Variants in PCOLCE observed in about 807,000 individuals in gnomAD.
PCOLCE encodes the protein procollagen C-endopeptidase enhancer, also known as procollagen C-endopeptidase enhancer 1.
In PCOLCE, 33 loss-of-function variants were observed where a neutral mutation model predicts 47.2. The ratio of observed to expected loss-of-function variants is 0.70; its 90% CI spans 0.53 to 0.93. The LOEUF (loss-of-function observed/expected upper bound fraction) is 0.93. PCOLCE is among the 40% of genes least tolerant of loss of function. The pLI is 0.00. For synonymous variants in PCOLCE, 254 were observed against 252.5 expected (o/e 1.01, Z -0.06); for missense variants, 584 against 585.3 (o/e 1.00, Z 0.02).
intron 6 of PCOLCE, among the ~76,000 whole-genome samples, chr7:100,606,900 G>A (rs1191788239): frequency 1.3e-5 from 2 of 152,104 alleles, no homozygotes; most frequent in African/African-American, 2.4e-5. Flanking sequence ...AGACCACCCC[G>A]GCTAACATGG....
chr7:100,603,774 C>T (rs868203908), intron 2 of PCOLCE, 185 bp from the exon 3 acceptor site: 1 of 661,192 alleles, frequency 1.5e-6, no homozygotes, highest in Non-Finnish European at 2.6e-6. Flanking sequence ...AAAGCCTCAG[C>T]TCTTGTCCCC....
In PCOLCE at chr7:100,605,780, G is replaced by C; in HGVS notation, c.693G>C (p.Arg231Ser). Residue 231 changes from arginine (R) to serine (S), a missense_variant, in exon 5 of 9, where the codon AGG becomes AGC. Arg to Ser is a moderately radical substitution (Grantham distance 110). Transcript: ENST00000223061. The surrounding 1 kb of genome is among the most constrained non-coding windows in gnomAD (Gnocchi z 6.1). ...GAGCCGTGAGCGACGACTCCCGGAG[G>C]CTGGGGAAGTTCTGCGGCGACGCAG... is the stretch of plus-strand genomic sequence containing the variant. The part of the protein sequence containing the change: ...FNGAVSDDSR[R>S]LGKFCGDAVP... 1 of 1,555,078 alleles carries C rather than the reference G, an allele frequency of 6.4e-7. No homozygotes were observed. The highest frequency in any genetic ancestry group is 1.2e-5 in the South Asian group (1 of 84,398).
chr7:100,605,612 G>A lies in PCOLCE; in HGVS notation c.589-64G>A. ...TGGGAGCTGCTGCAGGCACCCAGTA[G>A]GAGATGAGGTGCAGGCGCCCAGGGG... On this transcript the variant is annotated intron_variant, in intron 4 of 8. Transcript: ENST00000223061. The surrounding 1 kb of genome is among the most constrained non-coding windows in gnomAD (Gnocchi z 6.1). 1 of 1,525,830 alleles carries A rather than the reference G, an allele frequency of 6.6e-7. No individual in the cohort carries two copies. Among genetic ancestry groups the A allele is most frequent in the Non-Finnish European group, 8.8e-7 (1 of 1,131,072 alleles). 94.5% of individuals were successfully genotyped at this position (1,525,830 alleles called of 1,614,324 possible).
In PCOLCE at chr7:100,606,539, G is replaced by A; in HGVS notation, c.849G>A (p.Gly283=). 2 of 1,614,206 alleles carry A rather than the reference G, an allele frequency of 1.2e-6. No homozygotes were observed. Among genetic ancestry groups the A allele is most frequent in the Non-Finnish European group, 1.7e-6 (2 of 1,180,014 alleles). ...GGGGCACTGCCAAAGAAGGGCAAGGGCCCGGCCCCAAACGGGGAACTGAGC... is the reference window on the plus strand; with the variant it reads ...GGGGCACTGCCAAAGAAGGGCAAGGACCCGGCCCCAAACGGGGAACTGAGC... ...LPRGTAKEGQ[G]PGPKRGTEPK... Residue 283 remains glycine, a synonymous_variant, in exon 6 of 9, where the codon GGG becomes GGA. Transcript: ENST00000223061.
chr7:100,605,420 G>A lies in PCOLCE; in HGVS notation c.588+205G>A. 1 of 666,024 alleles carries A rather than the reference G, an allele frequency of 1.5e-6. No individual in the cohort carries two copies. The highest frequency in any genetic ancestry group is 2.5e-6 in the Non-Finnish European group (1 of 395,956). 41.3% of individuals were successfully genotyped at this position (666,024 alleles called of 1,614,324 possible). A position where few individuals can be genotyped will look rare whatever the true frequency, so the allele number is the denominator to read the frequency against. On this transcript the variant is annotated intron_variant, in intron 4 of 8. Transcript: ENST00000223061. The surrounding 1 kb of genome is among the most constrained non-coding windows in gnomAD (Gnocchi z 6.1). The stretch of plus-strand genomic sequence containing the variant: ...ACAAGTCTCAGGAGAGCGAGGTACA[G>A]GGTCCTGGTATAACACGCGGGCCTG...
chr7:100,602,568 C>T lies in PCOLCE; in HGVS notation c.95+17C>T, dbSNP rs1304945906. 1 of 1,487,520 alleles carries T rather than the reference C, an allele frequency of 6.7e-7. No homozygotes were observed. The highest frequency in any genetic ancestry group is 2.3e-5 in the East Asian group (1 of 44,318). The allele number at this position is 1,487,520 out of a possible 1,614,324, so 92.1% of individuals were successfully genotyped here. On this transcript the variant is annotated intron_variant, in intron 1 of 8. Coordinates refer to ENST00000223061, the MANE Select transcript of PCOLCE (RefSeq NM_002593.4). Reference sequence around the variant, plus strand: ...CTACACCAGGTAGGTCTCTTGGCATCTTCCAGACAGCTCCAGTGAACTTCA... The same window carrying T: ...CTACACCAGGTAGGTCTCTTGGCATTTTCCAGACAGCTCCAGTGAACTTCA...
In PCOLCE at chr7:100,604,948, A is replaced by G. The variant is rs1322752505; in HGVS notation, c.464-143A>G. ...GGCCGCTCTCTGTTAACCTGCCCCC[A>G]TCTTACCTCCCCTTCTTCTCGTCCC... On this transcript the variant is annotated intron_variant, in intron 3 of 8. Transcript: ENST00000223061. The surrounding 1 kb of genome is among the most constrained non-coding windows in gnomAD (Gnocchi z 6.4). The G allele has an allele frequency of 5.1e-6, 3 of 589,736 alleles. No homozygotes were observed. The highest frequency in any genetic ancestry group is 1.9e-5 in the African/African-American group (1 of 53,048). The allele number at this position is 589,736 out of a possible 1,614,324, so 36.5% of individuals were successfully genotyped here.
Position 100,605,349 on chromosome 7 carries a change from C to T in PCOLCE, c.588+134C>T. ...CGCTGGTGGGCACCCAAAACAGCCCCAACCCCTGCATGCACGCAAACAAAA... is the reference window on the plus strand; with the variant it reads ...CGCTGGTGGGCACCCAAAACAGCCCTAACCCCTGCATGCACGCAAACAAAA... On this transcript the variant is annotated intron_variant, in intron 4 of 8. Coordinates refer to ENST00000223061, the MANE Select transcript of PCOLCE (RefSeq NM_002593.4). The surrounding 1 kb of genome is among the most constrained non-coding windows in gnomAD (Gnocchi z 6.1). 1.2e-6 allele frequency: 1 copy of T among 860,650 alleles called. No homozygotes were observed. The highest frequency in any genetic ancestry group is 1.8e-6 in the Non-Finnish European group (1 of 562,682). 53.3% of individuals were successfully genotyped at this position (860,650 alleles called of 1,614,324 possible).
At position 100,608,052 on chromosome 7, in the gene PCOLCE, C is replaced by T. The variant is rs1478842922; in HGVS notation, c.1299C>T (p.Ser433=). ...PNQDQILTNL[S]KRKCPSQPVR... ...AGGACCAGATCCTCACCAACCTAAGCAAGAGGAAGTGCCCCTCTCAACCTG... is the reference window on the plus strand; with the variant it reads ...AGGACCAGATCCTCACCAACCTAAGTAAGAGGAAGTGCCCCTCTCAACCTG... The change falls in exon 9 of 9, where the codon AGC becomes AGT. Residue 433 remains serine, a synonymous_variant. Coordinates refer to ENST00000223061, the MANE Select transcript of PCOLCE (RefSeq NM_002593.4). 17 of 1,613,904 alleles carry T rather than the reference C, an allele frequency of 1.1e-5. No homozygotes were observed. The highest frequency in any genetic ancestry group is 1.4e-5 in the Non-Finnish European group (17 of 1,180,024).
chr7:100,608,107 G>A lies in PCOLCE; in HGVS notation c.*4G>A, dbSNP rs372756186. The A allele has an allele frequency of 2.2e-5, 36 of 1,612,668 alleles. No individual in the cohort carries two copies. In the African/African-American group the frequency reaches 3.6e-4, roughly 16 times the overall value. On this transcript the variant is annotated 3_prime_UTR_variant, in exon 9 of 9. Transcript: ENST00000223061. Reference sequence around the variant, plus strand: ...GGCTGCTGCGTCCCAGGACTGAGACGCAGGCCAGCCCCGGCCCCTAGCCCT... The same window carrying A: ...GGCTGCTGCGTCCCAGGACTGAGACACAGGCCAGCCCCGGCCCCTAGCCCT...
intron 6 of PCOLCE, among the ~76,000 whole-genome samples, chr7:100,607,239 T>C (rs1054724721): frequency 2.0e-5 from 3 of 152,098 alleles, no homozygotes; most frequent in Admixed American, 6.6e-5. Context: ...CAAAACTCCA[T>C]CTTAAACAAA....
rs753137213 is a variant in PCOLCE at position 100,607,685 on chromosome 7, T to G, written c.1061T>G (p.Leu354Arg). 1.4e-5 allele frequency: 22 copies of G among 1,614,014 alleles called. No homozygotes were observed. The East Asian group carries it at 4.5e-4, about 33-fold the overall frequency. ...ATGGTTCGGGAGCCAGGGGAGGGCCTTGCCGTGACTGTCAGTCTTATTGGT... is the reference window on the plus strand; with the variant it reads ...ATGGTTCGGGAGCCAGGGGAGGGCCGTGCCGTGACTGTCAGTCTTATTGGT... ...KSMVREPGEG[L>R]AVTVSLIGAY... Residue 354 changes from leucine to arginine, a missense_variant, in exon 8 of 9, where the codon CTT (leucine) becomes CGT (arginine). By Grantham distance (102) the Leu-to-Arg change is moderately radical. Transcript: ENST00000223061.
intron 2 of PCOLCE, 118 bp from the exon 3 acceptor site, chr7:100,603,841 G>T: frequency 8.4e-7 from 1 of 1,185,376 alleles, no homozygotes. Context: ...CACTCACATG[G>T]AGGCCCCTTC....
rs1359589030 is a variant in PCOLCE at position 100,602,402 on chromosome 7, C to T, written c.-55C>T. The T allele has an allele frequency of 1.6e-6, 2 of 1,213,600 alleles. No individual in the cohort carries two copies. Among genetic ancestry groups the T allele is most frequent in the Non-Finnish European group, 2.4e-6 (2 of 820,426 alleles). 75.2% of individuals were successfully genotyped at this position (1,213,600 alleles called of 1,614,324 possible). On this transcript the variant is annotated 5_prime_UTR_variant, in exon 1 of 9. Transcript: ENST00000223061. Reference sequence around the variant, plus strand: ...TGCCGCCACCGCTGCTGCTGCTCTGCAAAATTCAGCTGCTGCCTCTGTCTT... The same window carrying T: ...TGCCGCCACCGCTGCTGCTGCTCTGTAAAATTCAGCTGCTGCCTCTGTCTT...
chr7:100,603,381 C>A (rs763571474), intron 1 of PCOLCE, 49 bp from the exon 2 acceptor site: 33 of 917,472 alleles, frequency 3.6e-5, no homozygotes, highest in Non-Finnish European at 3.1e-5. Context: ...CCAGTGCTCC[C>A]CCGTCCCACC....
intron 2 of PCOLCE, 191 bp downstream of exon 2, chr7:100,603,729 T>C: frequency 1.7e-6 from 1 of 604,772 alleles, no homozygotes; most frequent in South Asian, 2.0e-5. Flanking sequence ...CCCTCAAATC[T>C]TCATTCTCCA....
rs1802695891 is a variant in PCOLCE at position 100,605,380 on chromosome 7, A to G, written c.588+165A>G. 1.4e-6 allele frequency: 1 copy of G among 736,144 alleles called. No individual in the cohort carries two copies. Among genetic ancestry groups the G allele is most frequent in the Non-Finnish European group, 2.2e-6 (1 of 455,828 alleles). The allele number at this position is 736,144 out of a possible 1,614,324, so 45.6% of individuals were successfully genotyped here. A position where few individuals can be genotyped will look rare whatever the true frequency, so the allele number is the denominator to read the frequency against. On this transcript the variant is annotated intron_variant, in intron 4 of 8. Transcript: ENST00000223061. The surrounding 1 kb of genome is among the most constrained non-coding windows in gnomAD (Gnocchi z 6.1). Reference sequence around the variant, plus strand: ...CTGCATGCACGCAAACAAAAATGTAAAAATTACAACTGAGACAAGTCTCAG... The same window carrying G: ...CTGCATGCACGCAAACAAAAATGTAGAAATTACAACTGAGACAAGTCTCAG...
At chr7:100,603,584 CAA>C in intron 2 of PCOLCE, 46 bp downstream of exon 2, 1 of 986,404 alleles carries the variant, frequency 1.0e-6, no homozygotes, top group South Asian at 1.4e-5. Flanking sequence ...GTCTCAGAGG[CAA>C]AAAGGCCTGA....
rs375271724 is a variant in PCOLCE, at chr7:100,605,825, A to T, written c.725+13A>T. The T allele has an allele frequency of 1.0e-4, 159 of 1,549,904 alleles. No individual in the cohort carries two copies. The highest frequency in any genetic ancestry group is 1.3e-4 in the Non-Finnish European group (150 of 1,146,540). ...ACGCAGTCCCGGGGTGAGGGGCGGG[A>T]CCTGGGCGAGTCCGGGAGAGAGTCG... On this transcript the variant is annotated intron_variant, in intron 5 of 8. Coordinates refer to ENST00000223061, the MANE Select transcript of PCOLCE (RefSeq NM_002593.4). This position sits in a 1 kb window ranked among gnomAD's most constrained non-coding sequence, Gnocchi z 6.1.
Sources: allele counts gnomAD v4.1 joint callset (sites outside exome capture counted in the v4.1 genomes callset), GRCh38; gene constraint gnomAD v4.1.1; non-coding constraint Gnocchi (gnomAD v3.1); transcripts MANE v1.5; gene names NCBI Gene and HGNC (gene_info 2026-07-23, HGNC 2026-07-21).